The following AP3S1 variants were observed in gnomAD, a reference collection of about 807,000 sequenced individuals.
AP3S1 encodes the protein AP-3 complex subunit sigma-1.
Under a neutral mutation model 21.3 loss-of-function variants are expected in AP3S1, and 12 were observed. The ratio of observed to expected loss-of-function variants is 0.56; its 90% CI spans 0.36 to 0.91. The LOEUF is 0.91. Among genes scored for constraint, AP3S1 ranks in the 40% least tolerant of loss-of-function variants. The pLI is 0.01. For synonymous variants in AP3S1, 48 were observed against 78.4 expected (o/e 0.61, Z 2.05); for missense variants, 116 against 225.0 (o/e 0.52, Z 3.10).
intron 3 of AP3S1, among the ~76,000 whole-genome samples, chr5:115,893,124 T>C (rs1750458581): frequency 6.6e-6 from 1 of 152,218 alleles, no homozygotes; most frequent in Admixed American, 6.5e-5. Flanking sequence ...CTGGTTCTTG[T>C]GTATTTTTCA....
chr5:115,908,850 A>G (rs989269448), intron 5 of AP3S1: 37 of 339,434 alleles, frequency 1.1e-4, no homozygotes, highest in Non-Finnish European at 2.9e-5. Flanking sequence ...GATTTTTTAA[A>G]CTATTGACAT....
intron 3 of AP3S1, among the ~76,000 whole-genome samples, chr5:115,887,180 A>C (rs1366581611): frequency 6.6e-6 from 1 of 152,180 alleles, no homozygotes; most frequent in African/African-American, 2.4e-5. Context: ...CTGCTGGTAC[A>C]TTCAATATTT....
chr5:115,891,594 G>T (rs1750307183), intron 3 of AP3S1, among the ~76,000 whole-genome samples: 1 of 152,136 alleles, frequency 6.6e-6, no homozygotes, highest in Non-Finnish European at 1.5e-5. Flanking sequence ...GATACAGATG[G>T]GTGGGACCCT....
chr5:115,861,882 T>TC (rs1464245448), intron 1 of AP3S1, among the ~76,000 whole-genome samples: 7 of 149,426 alleles, frequency 4.7e-5, no homozygotes, highest in African/African-American at 1.7e-4. Context: ...TTTTTTTTTT[T>TC]TTGAGATGGG....
intron 1 of AP3S1, among the ~76,000 whole-genome samples, chr5:115,853,173 G>T (rs1360191506): frequency 1.3e-5 from 2 of 152,004 alleles, no homozygotes; most frequent in African/African-American, 4.8e-5. Context: ...TGTCCTGATG[G>T]GTATCAAGTA....
At chr5:115,906,853 G>A in intron 5 of AP3S1, 1 of 1,519,578 alleles carries the variant, frequency 6.6e-7, no homozygotes, top group South Asian at 1.2e-5. Context: ...GACAGGACAG[G>A]TAGACAAGGT....
intron 3 of AP3S1, among the ~76,000 whole-genome samples, chr5:115,874,619 G>A (rs1748546455): frequency 6.6e-6 from 1 of 152,058 alleles, no homozygotes; most frequent in Admixed American, 6.6e-5. Context: ...CATGTTGTTA[G>A]AATGTATATT....
Position 115,852,339 on chromosome 5 carries a change from A to G in AP3S1, c.69+10233A>G, listed in dbSNP as rs186836888. Among the ~76,000 whole-genome samples, 27 of 152,098 alleles carry G rather than the reference A, an allele frequency of 1.8e-4. No homozygotes were observed. In the East Asian group the frequency reaches 5.0e-3, roughly 28 times the overall value. On this transcript the variant is annotated intron_variant, in intron 1 of 5. Coordinates refer to ENST00000316788, the MANE Select transcript of AP3S1 (RefSeq NM_001284.4). ...CTTATAAAATGGAAAGTCCTCAAAC[A>G]CTCTTCCACAGAAAAGTTCTGTAAG...
intron 1 of AP3S1, among the ~76,000 whole-genome samples, chr5:115,848,050 T>C (rs1762183796): frequency 6.6e-6 from 1 of 152,200 alleles, no homozygotes; most frequent in Non-Finnish European, 1.5e-5. Flanking sequence ...AAAGTTAAAA[T>C]GATTTTTGGT....
intron 3 of AP3S1, among the ~76,000 whole-genome samples, chr5:115,894,573 G>A (rs2112544401): frequency 6.6e-6 from 1 of 152,324 alleles, no homozygotes; most frequent in Middle Eastern, 3.4e-3. Flanking sequence ...TTCCCACGAG[G>A]TCATACAAGT....
intron 4 of AP3S1, among the ~76,000 whole-genome samples, 173 bp from the exon 5 acceptor site, chr5:115,902,712 C>T (rs185325418): frequency 2.0e-4 from 31 of 152,288 alleles, no homozygotes; most frequent in African/African-American, 7.0e-4. Flanking sequence ...GGTTATATAA[C>T]TGCCTAGGGC....
At chr5:115,891,361 G>A (rs1024022687) in intron 3 of AP3S1, among the ~76,000 whole-genome samples, 13 of 152,064 alleles carry the variant, frequency 8.5e-5, no homozygotes, top group African/African-American at 2.7e-4. Context: ...AGTGCTGACA[G>A]TATCTACGTG....
rs1052916623 is a variant in AP3S1 at position 115,866,949 on chromosome 5, C to T, written c.161+188C>T. Among the ~76,000 whole-genome samples, 12 of 151,924 alleles carry T rather than the reference C, an allele frequency of 7.9e-5. 1 individual carries two copies. The highest frequency in any genetic ancestry group is 6.6e-4 in the Admixed American group (10 of 15,260). ...TAAAAGATATGCAATCTTTTTTCCT[C>T]TTAAAAATTTTGGAAGGGAATTTTA... On this transcript the variant is annotated intron_variant, in intron 2 of 5. Coordinates refer to ENST00000316788, the MANE Select transcript of AP3S1 (RefSeq NM_001284.4).
intron 3 of AP3S1, among the ~76,000 whole-genome samples, chr5:115,885,133 T>G (rs1230212275): frequency 6.6e-6 from 1 of 152,244 alleles, no homozygotes; most frequent in Non-Finnish European, 1.5e-5. Context: ...TCCTCCTGGT[T>G]CCAAAGACAA....
intron 3 of AP3S1, among the ~76,000 whole-genome samples, chr5:115,889,491 A>G (rs993668074): frequency 6.6e-6 from 1 of 152,226 alleles, no homozygotes; most frequent in Non-Finnish European, 1.5e-5. Context: ...CCTTGCTGTA[A>G]GCCAAGATTC....
At chr5:115,890,016 A>G (rs762494367) in intron 3 of AP3S1, among the ~76,000 whole-genome samples, 4 of 152,144 alleles carry the variant, frequency 2.6e-5, no homozygotes, top group African/African-American at 4.8e-5. Flanking sequence ...TGAAAAGGCT[A>G]TGGAACTACA....
intron 5 of AP3S1, among the ~76,000 whole-genome samples, chr5:115,910,265 TAAAAAAAAA>T (rs397884038): frequency 1.6e-5 from 2 of 125,170 alleles, no homozygotes; most frequent in Non-Finnish European, 3.4e-5. Flanking sequence ...CCCTGTCTCT[TAAAAAAAAA>T]AAAAAAAAAA....
At chr5:115,878,889 AT>A (rs1561500212) in intron 3 of AP3S1, among the ~76,000 whole-genome samples, 1 of 151,972 alleles carries the variant, frequency 6.6e-6, no homozygotes, top group East Asian at 1.9e-4. Flanking sequence ...GTAGTTTGTA[AT>A]TCTCCTTGAA....
chr5:115,849,222 T>C (rs1214605593), intron 1 of AP3S1, among the ~76,000 whole-genome samples: 2 of 152,234 alleles, frequency 1.3e-5, no homozygotes, highest in Admixed American at 6.5e-5. Flanking sequence ...TTATTTAAGA[T>C]TGTAATTAGT....
Sources: allele counts gnomAD v4.1 joint callset (sites outside exome capture counted in the v4.1 genomes callset), GRCh38; gene constraint gnomAD v4.1.1; transcripts MANE v1.5; gene names NCBI Gene and HGNC (gene_info 2026-07-23, HGNC 2026-07-21).